The following CCDC102B variants were observed in gnomAD, a reference collection of about 807,000 sequenced individuals.
The protein encoded by CCDC102B is coiled-coil domain-containing protein 102B.
CCDC102B carries 75 observed loss-of-function variants against 57.4 expected under a neutral mutation model. The ratio of observed to expected loss-of-function variants is 1.31; its 90% confidence interval spans 1.08 to 1.58. The LOEUF is 1.58. Ranked by LOEUF, CCDC102B falls within the 40% of genes most tolerant of loss-of-function variation. The probability of loss-of-function intolerance (pLI) is 0.00; values close to 1 mark genes in which losing one functional copy is unlikely to be tolerated. For synonymous variants in CCDC102B, 206 were observed against 201.9 expected (o/e 1.02, Z -0.17); for missense variants, 636 against 582.6 (o/e 1.09, Z -0.94).
chr18:68,963,803 ATATG>A (rs527362804), intron 6 of CCDC102B, among the ~76,000 whole-genome samples: 2,072 of 151,696 alleles, frequency 0.014, 41 homozygotes, highest in African/African-American at 0.045. Context: ...ATATGTGTAT[ATATG>A]TATGTATGTA....
At chr18:68,856,607 A>C (rs914060104) in intron 4 of CCDC102B, among the ~76,000 whole-genome samples, 8 of 152,160 alleles carry the variant, frequency 5.3e-5, no homozygotes, top group African/African-American at 1.9e-4. Context: ...CCCCACTAAC[A>C]TTCATATCCT....
At chr18:68,983,741 T>C (rs1339749192) in intron 6 of CCDC102B, among the ~76,000 whole-genome samples, 3 of 152,086 alleles carry the variant, frequency 2.0e-5, no homozygotes, top group Non-Finnish European at 4.4e-5. Context: ...CTGTATTTTT[T>C]AGCTTTGATT....
chr18:68,862,556 C>G (rs1171020404), intron 4 of CCDC102B, among the ~76,000 whole-genome samples: 1 of 152,136 alleles, frequency 6.6e-6, no homozygotes, highest in Non-Finnish European at 1.5e-5. Flanking sequence ...TGCACCCCCA[C>G]AACCATATAT....
rs527867153 is a variant in CCDC102B at position 69,044,325 on chromosome 18, G to C, written c.1435-9705G>C. ...ATTCTCATTTTGCCACAGTAACTTT[G>C]GTTCTTAACCGCAGGACCATTGTGC... On this transcript the variant is annotated intron_variant, in intron 7 of 7. Transcript: ENST00000360242. Among the ~76,000 whole-genome samples, 3 of 152,184 alleles carry C rather than the reference G, an allele frequency of 2.0e-5. No individual in the cohort carries two copies. In the South Asian group the frequency reaches 6.2e-4, roughly 32 times the overall value.
intron 4 of CCDC102B, among the ~76,000 whole-genome samples, chr18:68,849,598 C>T (rs554842802): frequency 6.6e-6 from 1 of 152,144 alleles, no homozygotes; most frequent in South Asian, 2.1e-4. Context: ...GACATTACAT[C>T]GGATCGTATT....
chr18:68,769,569 T>C lies in CCDC102B; in HGVS notation c.-67+52975T>C, dbSNP rs527304339. On this transcript the variant is annotated intron_variant, in intron 2 of 3. Transcript: ENST00000578970. ...AGATAACCTCCCTCCAATCAAAGCC[T>C]TGGGCTCTGATTTCAACAAGAAACC... Among the ~76,000 whole-genome samples the C allele has an allele frequency of 5.9e-5, 9 of 152,164 alleles. No individual in the cohort carries two copies. In the South Asian group the frequency reaches 8.3e-4, roughly 14 times the overall value.
intron 5 of CCDC102B, among the ~76,000 whole-genome samples, chr18:68,878,647 CCGCACCAGGTA>C: frequency 6.6e-6 from 1 of 152,224 alleles, no homozygotes; most frequent in South Asian, 2.1e-4. Context: ...GAAAGCAGGT[CCGCACCAGGTA>C]CAAAATCTAC....
chr18:68,911,634 C>T (rs1424721213), intron 6 of CCDC102B, among the ~76,000 whole-genome samples: 1 of 148,584 alleles, frequency 6.7e-6, no homozygotes, highest in Non-Finnish European at 1.5e-5. Flanking sequence ...CGCCTGTAGT[C>T]CCAGCTACTC....
intron 4 of CCDC102B, among the ~76,000 whole-genome samples, chr18:68,864,657 A>G (rs73462010): frequency 0.03 from 4,487 of 152,082 alleles, 94 homozygotes; most frequent in East Asian, 0.048. Flanking sequence ...TACTTTCACT[A>G]TCTTTGAAAC....
intron 6 of CCDC102B, among the ~76,000 whole-genome samples, chr18:68,964,332 G>T (rs1460732953): frequency 1.3e-5 from 2 of 150,476 alleles, no homozygotes; most frequent in East Asian, 1.9e-4. Flanking sequence ...CAAAATCTCA[G>T]TTTAATATTT....
chr18:68,832,906 A>C (rs2037207457), intron 1 of CCDC102B, among the ~76,000 whole-genome samples: 1 of 152,126 alleles, frequency 6.6e-6, no homozygotes, highest in Admixed American at 6.6e-5. Context: ...AGTGACAAAG[A>C]GGAAGCCAGA....
At chr18:69,044,238 A>G (rs1202559826) in intron 7 of CCDC102B, among the ~76,000 whole-genome samples, 6 of 152,150 alleles carry the variant, frequency 3.9e-5, no homozygotes. Flanking sequence ...GTCTGGTTCA[A>G]ATGCTAATGA....
intron 6 of CCDC102B, among the ~76,000 whole-genome samples, chr18:68,901,157 C>T (rs1369551664): frequency 6.6e-6 from 1 of 152,124 alleles, no homozygotes; most frequent in African/African-American, 2.4e-5. Context: ...CCAATTTTCC[C>T]TGGCAATATA....
intron 6 of CCDC102B, among the ~76,000 whole-genome samples, chr18:68,911,924 A>C (rs1360072040): frequency 6.6e-6 from 1 of 152,052 alleles, no homozygotes; most frequent in Non-Finnish European, 1.5e-5. Flanking sequence ...CCAGGAACTA[A>C]AATGTCAGCA....
rs185684688 is a variant in CCDC102B, at chr18:68,857,230, T to A, written c.936+10809T>A. Among the ~76,000 whole-genome samples the A allele has an allele frequency of 5.1e-3, 462 of 91,090 alleles. 84 individuals are homozygous for A. Among genetic ancestry groups the A allele is most frequent in the African/African-American group, 0.02 (392 of 19,892 alleles). The allele number at this position is 91,090 out of a possible 152,430, so 59.8% of individuals were successfully genotyped here. A position where few individuals can be genotyped will look rare whatever the true frequency, so the allele number is the denominator to read the frequency against. Reference sequence around the variant, plus strand: ...TATATAAAAATATATTTATATATTTTTATATATAAATATATATTTATTATT... The same window carrying A: ...TATATAAAAATATATTTATATATTTATATATATAAATATATATTTATTATT... On this transcript the variant is annotated intron_variant, in intron 4 of 7. Coordinates refer to ENST00000360242, the MANE Select transcript of CCDC102B (RefSeq NM_024781.3).
At chr18:69,047,037 C>A (rs912274428) in intron 7 of CCDC102B, among the ~76,000 whole-genome samples, 3 of 152,118 alleles carry the variant, frequency 2.0e-5, no homozygotes, top group Admixed American at 6.6e-5. Context: ...TGTGATGCCT[C>A]CAGCTTTGTT....
chr18:69,028,018 C>T (rs1006775385), intron 7 of CCDC102B, among the ~76,000 whole-genome samples: 2 of 152,130 alleles, frequency 1.3e-5, no homozygotes, highest in Admixed American at 6.5e-5. Context: ...ATGACTGCCA[C>T]TTAGTAAACA....
rs148535746 is a variant in CCDC102B, at chr18:68,899,919, C to T, written c.1263+2491C>T. On this transcript the variant is annotated intron_variant, in intron 6 of 7. Transcript: ENST00000360242. The stretch of plus-strand genomic sequence containing the variant: ...GTAAGTAATCTCATCACATAAATCC[C>T]CATTGAGTAGTTGCTTTTATATACT... The T allele has an allele frequency of 2.4e-4, 36 of 152,138 alleles. 2 individuals are homozygous for T. The East Asian group carries it at 6.0e-3, about 25-fold the overall frequency. 9.4% of individuals were successfully genotyped at this position (152,138 alleles called of 1,614,324 possible).
chr18:68,804,345 C>T (rs926352609), intron 1 of CCDC102B, among the ~76,000 whole-genome samples: 2 of 152,012 alleles, frequency 1.3e-5, no homozygotes, highest in African/African-American at 2.4e-5. Context: ...ATTAGATATC[C>T]TTAGTGATGT....
Sources: allele counts gnomAD v4.1 joint callset (sites outside exome capture counted in the v4.1 genomes callset), GRCh38; gene constraint gnomAD v4.1.1; transcripts MANE v1.5; gene names NCBI Gene and HGNC (gene_info 2026-07-23, HGNC 2026-07-21).